Variants in PRDM16 observed in about 807,000 individuals in gnomAD.
The protein encoded by PRDM16 is PR/SET domain 16.
Under a neutral mutation model 110.6 loss-of-function variants are expected in PRDM16, and 23 were observed. The ratio of observed to expected loss-of-function variants is 0.21; its 90% CI spans 0.15 to 0.29. The LOEUF (loss-of-function observed/expected upper bound fraction) is 0.29, where lower values mean the gene tolerates loss of function less well. PRDM16 is among the 10% of genes least tolerant of loss of function. The probability of loss-of-function intolerance (pLI) is 1.00; values close to 1 mark genes in which losing one functional copy is unlikely to be tolerated. For synonymous variants in PRDM16, 799 were observed against 781.8 expected, an observed-to-expected ratio of 1.02 and a Z score of -0.37; for missense variants, 1,615 against 1,794.3, an observed-to-expected ratio of 0.90 and a Z score of 1.81.
chr1:3,297,451 T>C (rs1641114375), intron 3 of PRDM16, among the ~76,000 whole-genome samples: 1 of 152,022 alleles, frequency 6.6e-6, no homozygotes, highest in Non-Finnish European at 1.5e-5. Context: ...ACATGGCTAA[T>C]TTTTGTATCT....
intron 1 of PRDM16, among the ~76,000 whole-genome samples, chr1:3,083,131 G>C (rs1211742431): frequency 1.3e-5 from 2 of 152,216 alleles, no homozygotes; most frequent in African/African-American, 4.8e-5. Context: ...GCTTGTGTGT[G>C]TGAGAGCAGA....
chr1:3,163,985 C>T (rs889978823), intron 1 of PRDM16, among the ~76,000 whole-genome samples: 1 of 152,218 alleles, frequency 6.6e-6, no homozygotes, highest in Non-Finnish European at 1.5e-5. Flanking sequence ...GCCCAGGGGA[C>T]GCAGCTGCCA....
At chr1:3,098,283 AGTGGGTTTTCTTGGGGCC>A (rs1234249797) in intron 1 of PRDM16, among the ~76,000 whole-genome samples, 1 of 152,174 alleles carries the variant, frequency 6.6e-6, no homozygotes, top group Non-Finnish European at 1.5e-5. Context: ...GCCTCAGCCC[AGTGGGTTTTCTTGGGGCC>A]GGCTCCCTGC....
intron 3 of PRDM16, among the ~76,000 whole-genome samples, chr1:3,335,117 G>C (rs553936239): frequency 1.3e-5 from 2 of 152,204 alleles, no homozygotes; most frequent in African/African-American, 4.8e-5. Flanking sequence ...GAGAGAACTC[G>C]CTTCAAGGCC....
chr1:3,394,357 A>G (rs1431415346), intron 4 of PRDM16: 1 of 282,674 alleles, frequency 3.5e-6, no homozygotes, highest in South Asian at 1.8e-5. Context: ...CGGAGGATCC[A>G]GGAGGGCCGC....
chr1:3,183,695 C>T (rs963766784), intron 1 of PRDM16, among the ~76,000 whole-genome samples: 3 of 152,318 alleles, frequency 2.0e-5, no homozygotes, highest in East Asian at 1.9e-4. Context: ...GCCCTTAAAG[C>T]GCTGATTTTC....
At chr1:3,355,375 C>T (rs146570119) in intron 3 of PRDM16, among the ~76,000 whole-genome samples, 275 of 152,298 alleles carry the variant, frequency 1.8e-3, no homozygotes, top group African/African-American at 6.2e-3. Flanking sequence ...TCTTCCAACA[C>T]AGCTTCTCTT....
At chr1:3,170,291 T>A (rs1644011388) in intron 1 of PRDM16, among the ~76,000 whole-genome samples, 1 of 152,126 alleles carries the variant, frequency 6.6e-6, no homozygotes. Context: ...GATCCCCCGC[T>A]CCAGGCCTGA....
intron 2 of PRDM16, among the ~76,000 whole-genome samples, chr1:3,186,897 C>T (rs908054827): frequency 1.3e-5 from 2 of 152,306 alleles, no homozygotes; most frequent in East Asian, 1.9e-4. Context: ...CTGGTGGCCA[C>T]GCTGCCCCGG....
intron 2 of PRDM16, among the ~76,000 whole-genome samples, chr1:3,216,075 A>G (rs1639025265): frequency 6.6e-6 from 1 of 152,196 alleles, no homozygotes; most frequent in Admixed American, 6.5e-5. Context: ...ACCCAAGTGT[A>G]TGATGCTCTT....
chr1:3,310,574 A>G (rs1340258740), intron 3 of PRDM16, among the ~76,000 whole-genome samples: 1 of 151,932 alleles, frequency 6.6e-6, no homozygotes, highest in Non-Finnish European at 1.5e-5. Flanking sequence ...TGGGGAGAGA[A>G]TGTTTGACCG....
intron 3 of PRDM16, among the ~76,000 whole-genome samples, chr1:3,298,252 G>A (rs1000499684): frequency 2.0e-5 from 3 of 152,194 alleles, no homozygotes; most frequent in Admixed American, 6.5e-5. Flanking sequence ...AATGCACCTC[G>A]TGTTCGAGTC....
intron 3 of PRDM16, among the ~76,000 whole-genome samples, chr1:3,363,826 G>A (rs1052546460): frequency 8.5e-5 from 13 of 152,118 alleles, no homozygotes; most frequent in Admixed American, 2.0e-4. Context: ...GGAAGGAGGA[G>A]AAAGCAGAAA....
intron 10 of PRDM16, among the ~76,000 whole-genome samples, chr1:3,416,031 G>A (rs1428124216): frequency 2.0e-5 from 3 of 152,208 alleles, no homozygotes; most frequent in Non-Finnish European, 4.4e-5. Flanking sequence ...CAGGATGAGA[G>A]CATGCCTGCC....
chr1:3,214,679 C>A (rs1638979136), intron 2 of PRDM16, among the ~76,000 whole-genome samples: 1 of 152,196 alleles, frequency 6.6e-6, no homozygotes, highest in Admixed American at 6.5e-5. Flanking sequence ...CTCGCAGGGG[C>A]AAGAATGGCT....
chr1:3,320,163 G>A (rs12041848), intron 3 of PRDM16, among the ~76,000 whole-genome samples: 3,877 of 152,272 alleles, frequency 0.025, 286 homozygotes, highest in East Asian at 0.24. Context: ...TTGCAGCACC[G>A]AAATAAGAAC....
Position 3,418,773 on chromosome 1 carries a change from G to A in PRDM16, c.2939+29G>A, listed in dbSNP as rs1330312008. ...GGTGCTGCGTGGGCTGGGTGTGGGG[G>A]CGGGGCCGCCTGCCTCCGTGCACCG... On this transcript the variant is annotated intron_variant, in intron 12 of 16. Coordinates refer to ENST00000270722, the MANE Select transcript of PRDM16 (RefSeq NM_022114.4). The A allele has an allele frequency of 5.1e-6, 8 of 1,577,812 alleles. No individual in the cohort carries two copies. The East Asian group carries it at 1.6e-4, about 31-fold the overall frequency.
Position 3,436,254 on chromosome 1 carries a change from T to C in PRDM16, c.*2443T>C. 1 of 229,928 alleles carries C rather than the reference T, an allele frequency of 4.3e-6. No individual in the cohort carries two copies. The highest frequency in any genetic ancestry group is 8.6e-6 in the Non-Finnish European group (1 of 116,070). 14.2% of individuals were successfully genotyped at this position (229,928 alleles called of 1,614,324 possible). ...CTCTGAAGTGGGACATTCGGACGGA[T>C]GGAGCCCTCAGCGTGTCTTTTCAGC... On this transcript the variant is annotated 3_prime_UTR_variant, in exon 17 of 17. Transcript: ENST00000270722.
intron 3 of PRDM16, among the ~76,000 whole-genome samples, chr1:3,374,747 G>A (rs1642964109): frequency 1.3e-5 from 2 of 152,234 alleles, no homozygotes; most frequent in Admixed American, 1.3e-4. Context: ...GCAAGGGCTG[G>A]TTCGTCCCTT....
Sources: gnomAD v4.1 joint callset for allele counts (sites outside exome capture counted in the v4.1 genomes callset) on GRCh38, gnomAD v4.1.1 for gene constraint, MANE v1.5 for transcripts, NCBI Gene and HGNC (gene_info 2026-07-23, HGNC 2026-07-21) for gene names.